Variants in GHRH observed in about 807,000 individuals in gnomAD.
GHRH encodes the protein growth hormone releasing hormone.
Under a neutral mutation model 15.6 loss-of-function variants are expected in GHRH, and 7 were observed. The ratio of observed to expected loss-of-function variants is 0.45; its 90% confidence interval spans 0.26 to 0.84. The LOEUF (loss-of-function observed/expected upper bound fraction) is 0.84. GHRH is among the 40% of genes least tolerant of loss of function. The probability of loss-of-function intolerance (pLI) is 0.18; values close to 1 mark genes in which losing one functional copy is unlikely to be tolerated. For synonymous variants in GHRH, 54 were observed against 50.4 expected, an observed-to-expected ratio of 1.07 and a Z score of -0.30; for missense variants, 117 against 138.0, an observed-to-expected ratio of 0.85 and a Z score of 0.76.
At chr20:37,253,297 C>T (rs1348834238) in intron 4 of GHRH, among the ~76,000 whole-genome samples, 3 of 152,178 alleles carry the variant, frequency 2.0e-5, no homozygotes, top group African/African-American at 7.2e-5. Context: ...GTCTGCTGAT[C>T]GTGTGTCTGC....
Position 37,256,818 on chromosome 20 carries a change from A to AG in GHRH, c.71dup (p.Leu25PhefsTer104). The AG allele has an allele frequency of 6.2e-7, 1 of 1,612,182 alleles. No homozygotes were observed. Among genetic ancestry groups the AG allele is most frequent in the Non-Finnish European group, 8.5e-7 (1 of 1,179,080 alleles). ...CAGGGTCTGCTTACCTGAGGGTCAA[A>AG]GGGGGAGGTGGGGAGCAGTGGGAGC... On this transcript the variant is annotated frameshift_variant, in exon 2 of 5. Coordinates refer to ENST00000373614, the MANE Select transcript of GHRH (RefSeq NM_021081.6). LOFTEE classifies it high-confidence loss of function.
At chr20:37,251,311 G>C in intron 4 of GHRH, 80 bp from the exon 5 acceptor site, 1 of 1,174,544 alleles carries the variant, frequency 8.5e-7, no homozygotes, top group Non-Finnish European at 1.2e-6. Flanking sequence ...CCAGGGTGAC[G>C]GGTGCTCCCG....
At chr20:37,259,299 G>A (rs1489699376) in intron 1 of GHRH, among the ~76,000 whole-genome samples, 2 of 152,094 alleles carry the variant, frequency 1.3e-5, no homozygotes, top group African/African-American at 2.4e-5. Context: ...ACCAAGGCTC[G>A]GCAGGCTTCC....
intron 4 of GHRH, 148 bp downstream of exon 4, chr20:37,254,062 T>A: frequency 2.5e-6 from 2 of 809,804 alleles, no homozygotes. Flanking sequence ...CTCCTAGTTC[T>A]TAATGTCTGT....
At chr20:37,259,464 G>A (rs886564021) in intron 1 of GHRH, among the ~76,000 whole-genome samples, 3 of 152,292 alleles carry the variant, frequency 2.0e-5, no homozygotes, top group Admixed American at 1.3e-4. Flanking sequence ...CCCAGCTGCA[G>A]CCTGGCTTTC....
chr20:37,258,720 G>A lies in GHRH; in HGVS notation c.-19-1812C>T, dbSNP rs1223034007. Among the ~76,000 whole-genome samples the A allele has an allele frequency of 6.6e-6, 1 of 152,100 alleles. No individual in the cohort carries two copies. The highest frequency in any genetic ancestry group is 2.4e-5 in the African/African-American group (1 of 41,416). ...AGGGATCTCACTACCCCCAGGCCCG[G>A]GAGCTTATTTCCAGATGGTTCTTTA... On this transcript the variant is annotated intron_variant, in intron 1 of 4. Transcript: ENST00000373614. The surrounding 1 kb of genome is among the most constrained non-coding windows in gnomAD (Gnocchi z 4.1).
chr20:37,256,647 C>T lies in GHRH; in HGVS notation c.84-149G>A, dbSNP rs995666862. On this transcript the variant is annotated intron_variant, in intron 2 of 4. Coordinates refer to ENST00000373614, the MANE Select transcript of GHRH (RefSeq NM_021081.6). ...AGACTCAGACCCCTCTGAGTGACCT[C>T]TGTGAAGCTGTGTCTGCCTCCTCTG... is the stretch of plus-strand genomic sequence containing the variant. 6.8e-5 allele frequency: 50 copies of T among 733,478 alleles called. No individual in the cohort carries two copies. The South Asian group carries it at 7.3e-4, about 11-fold the overall frequency. The allele number at this position is 733,478 out of a possible 1,614,324, so 45.4% of individuals were successfully genotyped here.
rs538858861 is a variant in GHRH, at chr20:37,254,347, G to A, written c.189-18C>T. Reference sequence around the variant, plus strand: ...TGCTCTCTCTGTGTGGTTAGAAAAAGAGAACTAGTTGCTATTTGGGTAGGA... The same window carrying A: ...TGCTCTCTCTGTGTGGTTAGAAAAAAAGAACTAGTTGCTATTTGGGTAGGA... On this transcript the variant is annotated intron_variant, in intron 3 of 4. Coordinates refer to ENST00000373614, the MANE Select transcript of GHRH (RefSeq NM_021081.6). 6.2e-7 allele frequency: 1 copy of A among 1,614,046 alleles called. No individual in the cohort carries two copies. The highest frequency in any genetic ancestry group is 1.1e-5 in the South Asian group (1 of 91,086).
rs2068659883 is a variant in GHRH at position 37,256,860 on chromosome 20, G to A, written c.30C>T (p.Ile10=). 5.6e-6 allele frequency: 9 copies of A among 1,612,700 alleles called. No individual in the cohort carries two copies. The East Asian group carries it at 2.0e-4, about 36-fold the overall frequency. MPLWVFFFV[I]LTLSNSSHCS... ...AGTGGGAGCTGTTGCTGAGGGTGAG[G>A]ATCACAAAGAAGAACACCCAGAGTG... Residue 10 remains isoleucine (I), a synonymous_variant, in exon 2 of 5, where the codon ATC becomes ATT. Coordinates refer to ENST00000373614, the MANE Select transcript of GHRH (RefSeq NM_021081.6).
chr20:37,260,303 A>C (rs2068680928), intron 1 of GHRH, among the ~76,000 whole-genome samples: 1 of 152,144 alleles, frequency 6.6e-6, no homozygotes, highest in South Asian at 2.1e-4. Context: ...GGGAAACAAG[A>C]ATTATCCAGT....
intron 3 of GHRH, 125 bp downstream of exon 3, chr20:37,256,269 G>A: frequency 1.7e-6 from 1 of 585,092 alleles, no homozygotes; most frequent in Non-Finnish European, 3.0e-6. Context: ...GCTATGGGAA[G>A]TCCAGAAATG....
intron 1 of GHRH, among the ~76,000 whole-genome samples, chr20:37,257,170 A>G (rs750505264): frequency 6.6e-6 from 1 of 152,212 alleles, no homozygotes; most frequent in Non-Finnish European, 1.5e-5. Context: ...ATAGGGTTGA[A>G]CCAAAAACCA....
chr20:37,261,187 C>A (rs1569013976), intron 1 of GHRH, among the ~76,000 whole-genome samples: 2 of 152,156 alleles, frequency 1.3e-5, no homozygotes, highest in Non-Finnish European at 2.9e-5. Flanking sequence ...ACTTCAGGAC[C>A]ATTAAAGCAA....
In GHRH at chr20:37,258,804, A is replaced by G. The variant is rs527261747; in HGVS notation, c.-19-1896T>C. 1.6e-4 allele frequency among the ~76,000 whole-genome samples: 24 copies of G among 152,208 alleles called. No individual in the cohort carries two copies. The highest frequency in any genetic ancestry group is 4.6e-4 in the Admixed American group (7 of 15,268). ...GCCCAGGCTGAGGTGCAGTGGTGCA[A>G]TCATAGCTCACTACAGCCTCAAACT... On this transcript the variant is annotated intron_variant, in intron 1 of 4. Transcript: ENST00000373614. This position sits in a 1 kb window ranked among gnomAD's most constrained non-coding sequence, Gnocchi z 4.1.
intron 2 of GHRH, 65 bp downstream of exon 2, chr20:37,256,742 C>T: frequency 7.6e-7 from 1 of 1,315,198 alleles, no homozygotes; most frequent in East Asian, 2.3e-5. Context: ...TCTGCATTCA[C>T]TAACGCCTGC....
intron 1 of GHRH, among the ~76,000 whole-genome samples, chr20:37,259,235 C>G (rs761637944): frequency 6.6e-6 from 1 of 152,186 alleles, no homozygotes; most frequent in Non-Finnish European, 1.5e-5. Flanking sequence ...TACAGCCACA[C>G]GACTGGTCCT....
intron 4 of GHRH, among the ~76,000 whole-genome samples, chr20:37,252,416 G>A (rs1044465835): frequency 1.3e-5 from 2 of 152,196 alleles, no homozygotes; most frequent in African/African-American, 2.4e-5. Context: ...TTGCTTAATA[G>A]CTTGGACCAG....
chr20:37,261,542 C>G (rs1235319706), intron 1 of GHRH, among the ~76,000 whole-genome samples: 2 of 152,160 alleles, frequency 1.3e-5, no homozygotes, highest in Non-Finnish European at 2.9e-5. Flanking sequence ...TAAGACAAGC[C>G]CCAAACAGCA....
rs144411360 is a variant in GHRH at position 37,254,742 on chromosome 20, C to T, written c.189-413G>A. On this transcript the variant is annotated intron_variant, in intron 3 of 4. Transcript: ENST00000373614. ...ATTCCTCTAATCATCATTAGAGGAA[C>T]GCATCCTCTAATCATGGGGATATGT... Among the ~76,000 whole-genome samples, 247 of 152,220 alleles carry T rather than the reference C, an allele frequency of 1.6e-3. 2 individuals carry two copies. The highest frequency in any genetic ancestry group is 5.7e-3 in the African/African-American group (235 of 41,510).
Sources: allele counts gnomAD v4.1 joint callset (sites outside exome capture counted in the v4.1 genomes callset), GRCh38; gene constraint gnomAD v4.1.1; non-coding constraint Gnocchi (gnomAD v3.1); transcripts MANE v1.5; gene names NCBI Gene and HGNC (gene_info 2026-07-23, HGNC 2026-07-21).